ARHGEF26: variants seen among roughly 807,000 people sequenced by gnomAD.
ARHGEF26 encodes the protein Rho guanine nucleotide exchange factor 26.
Under a neutral mutation model 89.4 loss-of-function variants are expected in ARHGEF26, and 59 were observed. That is an observed-to-expected ratio of 0.66 (90% CI 0.54 to 0.82). The LOEUF is 0.82. ARHGEF26 is among the 40% of genes least tolerant of loss of function. The probability of loss-of-function intolerance (pLI) is 0.00; values close to 1 mark genes in which losing one functional copy is unlikely to be tolerated. For missense variants in ARHGEF26, 1,234 were observed against 1,085.6 expected, an observed-to-expected ratio of 1.14 and a Z score of -1.92; for synonymous variants, 500 against 428.4, an observed-to-expected ratio of 1.17 and a Z score of -2.06.
chr3:154,220,219 T>C (rs1484233727), intron 10 of ARHGEF26, among the ~76,000 whole-genome samples: 3 of 152,180 alleles, frequency 2.0e-5, no homozygotes, highest in East Asian at 1.9e-4. Flanking sequence ...TGGCAAGTAT[T>C]GTAAGAATAG....
Position 154,257,221 on chromosome 3 carries a change from C to T in ARHGEF26, c.*1748C>T. On this transcript the variant is annotated 3_prime_UTR_variant, in exon 15 of 15. Transcript: ENST00000465093. Reference sequence around the variant, plus strand: ...ATTGCTCTTTTTGACCTGTGCATACCTTCTAATTGTAAAATATATTTCAGA... The same window carrying T: ...ATTGCTCTTTTTGACCTGTGCATACTTTCTAATTGTAAAATATATTTCAGA... 3.2e-6 allele frequency: 1 copy of T among 309,876 alleles called. No homozygotes were observed. Among genetic ancestry groups the T allele is most frequent in the Non-Finnish European group, 5.9e-6 (1 of 170,524 alleles). 19.2% of individuals were successfully genotyped at this position (309,876 alleles called of 1,614,324 possible).
At chr3:154,137,929 G>A (rs566746453) in intron 4 of ARHGEF26, among the ~76,000 whole-genome samples, 46 of 152,086 alleles carry the variant, frequency 3.0e-4, no homozygotes, top group South Asian at 2.7e-3. Context: ...CATAGATAAT[G>A]CTGCTCTCAA....
intron 6 of ARHGEF26, among the ~76,000 whole-genome samples, chr3:154,153,447 A>G (rs927731725): frequency 1.3e-5 from 2 of 152,002 alleles, no homozygotes; most frequent in African/African-American, 2.4e-5. Flanking sequence ...TTACTTATCT[A>G]TTATTTTTGC....
intron 13 of ARHGEF26, among the ~76,000 whole-genome samples, chr3:154,254,222 A>G (rs1331496345): frequency 6.6e-6 from 1 of 152,146 alleles, no homozygotes; most frequent in African/African-American, 2.4e-5. Context: ...GCCACATGTC[A>G]GCATTTCTGA....
chr3:154,202,072 C>T (rs2108212496), intron 9 of ARHGEF26, among the ~76,000 whole-genome samples: 1 of 152,268 alleles, frequency 6.6e-6, no homozygotes, highest in East Asian at 1.9e-4. Flanking sequence ...GACATGAAGT[C>T]CTTGCCCATG....
intron 4 of ARHGEF26, among the ~76,000 whole-genome samples, chr3:154,132,071 C>A (rs1474545953): frequency 1.3e-5 from 2 of 152,060 alleles, no homozygotes; most frequent in Non-Finnish European, 2.9e-5. Context: ...TGTTGCTTGG[C>A]AATTAAATTT....
At chr3:154,129,260 G>A (rs1718528514) in intron 3 of ARHGEF26, among the ~76,000 whole-genome samples, 1 of 152,108 alleles carries the variant, frequency 6.6e-6, no homozygotes, top group Admixed American at 6.5e-5. Context: ...ATAAAAGATA[G>A]GATGTAATTT....
rs1009125447 is a variant in ARHGEF26, at chr3:154,153,620, A to C, written c.1487+688A>C. On this transcript the variant is annotated intron_variant, in intron 6 of 14. Transcript: ENST00000465093. ...CCATTTAAGTTTTGTACGTGTAAGTAGTAGAGTCACATGTTGCAAAATTCC... is the reference window on the plus strand; with the variant it reads ...CCATTTAAGTTTTGTACGTGTAAGTCGTAGAGTCACATGTTGCAAAATTCC... Among the ~76,000 whole-genome samples, 32 of 152,192 alleles carry C rather than the reference A, an allele frequency of 2.1e-4. 2 individuals are homozygous for C. The highest frequency in any genetic ancestry group is 2.8e-4 in the Non-Finnish European group (19 of 67,970).
rs774873087 is a variant in ARHGEF26 at position 154,225,853 on chromosome 3, T to C, written c.1936-3T>C. On this transcript the variant is annotated splice_polypyrimidine_tract_variant and splice_region_variant and intron_variant, in intron 10 of 14. Transcript: ENST00000465093. ...TGGTCACTGGGTTTTTCTCCTTTTG[T>C]AGCCTTTTCCTTTAGTCTCCTCTTC... is the stretch of plus-strand genomic sequence containing the variant. 1.9e-6 allele frequency: 3 copies of C among 1,593,134 alleles called. No homozygotes were observed. The South Asian group carries it at 3.4e-5, about 18-fold the overall frequency.
chr3:154,156,457 C>T (rs1184273398), intron 6 of ARHGEF26, among the ~76,000 whole-genome samples: 1 of 152,084 alleles, frequency 6.6e-6, no homozygotes, highest in Non-Finnish European at 1.5e-5. Flanking sequence ...GTATTCTTTA[C>T]ATTTTTATTT....
intron 9 of ARHGEF26, among the ~76,000 whole-genome samples, chr3:154,204,306 TTTCA>T (rs1714862819): frequency 6.6e-6 from 1 of 151,198 alleles, no homozygotes; most frequent in Non-Finnish European, 1.5e-5. Context: ...TTTGGTTGAG[TTTCA>T]TTGTTAGTTT....
At chr3:154,202,609 A>C (rs549535290) in intron 9 of ARHGEF26, among the ~76,000 whole-genome samples, 114 of 152,180 alleles carry the variant, frequency 7.5e-4, no homozygotes, top group East Asian at 4.4e-3. Flanking sequence ...GCCATTTTCA[A>C]GATATTGATT....
intron 12 of ARHGEF26, among the ~76,000 whole-genome samples, chr3:154,245,468 C>G (rs780539849): frequency 2.2e-4 from 33 of 152,198 alleles, no homozygotes; most frequent in Non-Finnish European, 4.3e-4. Flanking sequence ...TGTTAAACTT[C>G]CTTTTTTGTT....
At chr3:154,147,711 T>G (rs1719782357) in intron 4 of ARHGEF26, among the ~76,000 whole-genome samples, 1 of 152,252 alleles carries the variant, frequency 6.6e-6, no homozygotes, top group Non-Finnish European at 1.5e-5. Context: ...ATAAGGTCCC[T>G]GTGTCTGAAT....
intron 11 of ARHGEF26, among the ~76,000 whole-genome samples, chr3:154,235,122 ATCAAC>A (rs1717043671): frequency 1.3e-5 from 2 of 151,994 alleles, no homozygotes; most frequent in African/African-American, 4.8e-5. Flanking sequence ...GTGTTTTACA[ATCAAC>A]TCAACTATTT....
intron 4 of ARHGEF26, among the ~76,000 whole-genome samples, chr3:154,136,677 G>T (rs949112417): frequency 6.6e-6 from 1 of 152,150 alleles, no homozygotes; most frequent in Non-Finnish European, 1.5e-5. Flanking sequence ...CATTCTGTTT[G>T]CAGAAATGCT....
At chr3:154,177,186 C>T (rs529954780) in intron 6 of ARHGEF26, among the ~76,000 whole-genome samples, 6 of 152,264 alleles carry the variant, frequency 3.9e-5, no homozygotes, top group South Asian at 2.1e-4. Context: ...AAAGAAGTAA[C>T]GTATTTTATA....
At position 154,200,613 on chromosome 3, in the gene ARHGEF26, T is replaced by G. The variant is rs564193056; in HGVS notation, c.1845+5895T>G. Among the ~76,000 whole-genome samples, 3 of 152,098 alleles carry G rather than the reference T, an allele frequency of 2.0e-5. No homozygotes were observed. The East Asian group carries it at 5.8e-4, about 29-fold the overall frequency. The stretch of plus-strand genomic sequence containing the variant: ...GTAAAGAATGTCATTGGTATTTTGT[T>G]AGGATTTACATTGAATCTGTAGAAT... On this transcript the variant is annotated intron_variant, in intron 9 of 14. Transcript: ENST00000465093.
chr3:154,225,368 T>C (rs1477166332), intron 10 of ARHGEF26, among the ~76,000 whole-genome samples: 2 of 152,156 alleles, frequency 1.3e-5, no homozygotes, highest in African/African-American at 2.4e-5. Flanking sequence ...TAGGTTTTTT[T>C]CTCTTGAAAG....
Sources: allele counts gnomAD v4.1 joint callset (sites outside exome capture counted in the v4.1 genomes callset), GRCh38; gene constraint gnomAD v4.1.1; transcripts MANE v1.5; gene names NCBI Gene and HGNC (gene_info 2026-07-23, HGNC 2026-07-21).